Variants in TYW1 observed in about 807,000 individuals in gnomAD.
TYW1 encodes the protein S-adenosyl-L-methionine-dependent tRNA 4-demethylwyosine synthase TYW1.
A neutral mutation model predicts 96.2 loss-of-function variants in TYW1; 46 were observed. The ratio of observed to expected loss-of-function variants is 0.48; its 90% CI spans 0.38 to 0.61. TYW1 has a LOEUF of 0.61. Ranked by LOEUF, TYW1 falls within the 20% of genes least tolerant of loss-of-function variation. TYW1 has a pLI of 0.00. For synonymous variants in TYW1, 274 were observed against 323.0 expected, an observed-to-expected ratio of 0.85 and a Z score of 1.63; for missense variants, 684 against 909.6, an observed-to-expected ratio of 0.75 and a Z score of 3.19.
intron 15 of TYW1, among the ~76,000 whole-genome samples, chr7:67,210,723 G>GTCCA (rs149616251): frequency 0.26 from 39,083 of 149,010 alleles, 5,550 homozygotes; most frequent in African/African-American, 0.35. Context: ...TCATCTGTAT[G>GTCCA]TCCATCAGTC....
chr7:67,081,485 T>C (rs1156673148), intron 10 of TYW1, among the ~76,000 whole-genome samples: 1 of 151,646 alleles, frequency 6.6e-6, no homozygotes, highest in African/African-American at 2.4e-5. Context: ...AATGTCCATA[T>C]CTCTCCCCAA....
chr7:67,017,211 G>A (rs1156767453), intron 5 of TYW1, among the ~76,000 whole-genome samples: 2 of 152,002 alleles, frequency 1.3e-5, no homozygotes, highest in Admixed American at 6.6e-5. Flanking sequence ...TTGAACTCCT[G>A]GCCTGAAACA....
intron 15 of TYW1, among the ~76,000 whole-genome samples, chr7:67,224,393 C>T (rs1209993105): frequency 6.6e-6 from 1 of 152,204 alleles, no homozygotes; most frequent in Non-Finnish European, 1.5e-5. Flanking sequence ...TCCCAAAATG[C>T]TGGGATTACA....
At chr7:67,222,858 C>CTTTCTTTCTTTCTTTT (rs1563078442) in intron 15 of TYW1, among the ~76,000 whole-genome samples, 2 of 101,540 alleles carry the variant, frequency 2.0e-5, no homozygotes, top group African/African-American at 4.1e-5. Context: ...TCTCTGTTCG[C>CTTTCTTTCTTTCTTTT]TTTTTTTCTT....
intron 13 of TYW1, among the ~76,000 whole-genome samples, chr7:67,176,386 C>T (rs1440645628): frequency 4.6e-5 from 7 of 152,120 alleles, no homozygotes; most frequent in Non-Finnish European, 7.4e-5. Context: ...GTACTTGAAA[C>T]GTGGCTACCC....
intron 11 of TYW1, among the ~76,000 whole-genome samples, chr7:67,084,959 A>G (rs1330036176): frequency 1.3e-5 from 2 of 152,180 alleles, no homozygotes; most frequent in Non-Finnish European, 2.9e-5. Flanking sequence ...TTGAATCTCT[A>G]TGCTCTGGTC....
chr7:67,035,740 G>A (rs912810575), intron 7 of TYW1, among the ~76,000 whole-genome samples: 2 of 151,998 alleles, frequency 1.3e-5, no homozygotes, highest in South Asian at 2.1e-4. Context: ...GTACAGTGGC[G>A]CCATCTCGCT....
At chr7:67,181,131 A>G (rs1326607711) in intron 13 of TYW1, among the ~76,000 whole-genome samples, 2 of 152,172 alleles carry the variant, frequency 1.3e-5, no homozygotes, top group African/African-American at 4.8e-5. Flanking sequence ...TTGGGTATCT[A>G]TGAAGATGAT....
chr7:67,073,481 A>G (rs1164842210), intron 10 of TYW1, among the ~76,000 whole-genome samples: 2 of 152,152 alleles, frequency 1.3e-5, no homozygotes, highest in African/African-American at 2.4e-5. Flanking sequence ...CTGAAATAGA[A>G]TGTGACCAGG....
intron 13 of TYW1, among the ~76,000 whole-genome samples, chr7:67,135,213 AT>A (rs67118762): frequency 0.28 from 41,595 of 151,136 alleles, 6,546 homozygotes; most frequent in African/African-American, 0.43. Context: ...TTTTTAGTAT[AT>A]TCACAAGCTT....
At chr7:67,123,523 A>T (rs1236114084) in intron 13 of TYW1, among the ~76,000 whole-genome samples, 1 of 152,234 alleles carries the variant, frequency 6.6e-6, no homozygotes, top group Non-Finnish European at 1.5e-5. Flanking sequence ...GTGTTGAGGC[A>T]TCAGGTAATG....
chr7:67,100,495 AG>A (rs1302846232), intron 12 of TYW1, among the ~76,000 whole-genome samples: 3 of 151,550 alleles, frequency 2.0e-5, no homozygotes, highest in Non-Finnish European at 1.5e-5. Context: ...AAAAAAAAAA[AG>A]ATCTTTTTGA....
chr7:67,090,313 A>G (rs1209081630), intron 11 of TYW1, among the ~76,000 whole-genome samples: 1 of 152,222 alleles, frequency 6.6e-6, no homozygotes, highest in Non-Finnish European at 1.5e-5. Flanking sequence ...TTTGGCCAGG[A>G]ACTGCATTGT....
At chr7:67,226,051 C>A (rs112799764) in intron 15 of TYW1, among the ~76,000 whole-genome samples, 38,950 of 149,256 alleles carry the variant, frequency 0.26, 5,456 homozygotes, top group African/African-American at 0.35. Context: ...GGGAAGTTCA[C>A]AAGATACCAC....
At chr7:67,229,429 C>T (rs1584722391) in intron 15 of TYW1, among the ~76,000 whole-genome samples, 1 of 151,888 alleles carries the variant, frequency 6.6e-6, no homozygotes, top group East Asian at 1.9e-4. Context: ...ATCCCAGCTA[C>T]TCAGGAGGCT....
At chr7:67,199,301 T>C (rs1051096709) in intron 15 of TYW1, among the ~76,000 whole-genome samples, 2 of 152,260 alleles carry the variant, frequency 1.3e-5, no homozygotes, top group Non-Finnish European at 2.9e-5. Context: ...AATACTGTGT[T>C]GGCGACGTGT....
At chr7:67,232,262 C>T in intron 15 of TYW1, among the ~76,000 whole-genome samples, 1 of 150,994 alleles carries the variant, frequency 6.6e-6, no homozygotes, top group East Asian at 2.0e-4. Context: ...ATTTTTATCC[C>T]TCTATCATGT....
At chr7:67,105,616 C>T (rs1206103971) in intron 12 of TYW1, among the ~76,000 whole-genome samples, 1 of 152,228 alleles carries the variant, frequency 6.6e-6, no homozygotes, top group African/African-American at 2.4e-5. Context: ...GTTTCCCACA[C>T]TCCTCCCGTC....
chr7:67,032,928 G>A (rs564645335), intron 7 of TYW1, among the ~76,000 whole-genome samples: 312 of 98,740 alleles, frequency 3.2e-3, no homozygotes, highest in Non-Finnish European at 4.7e-3. Context: ...ACAGAATCTC[G>A]CTGTCTCATC....
Sources: gnomAD v4.1 joint callset for allele counts (sites outside exome capture counted in the v4.1 genomes callset) on GRCh38, gnomAD v4.1.1 for gene constraint, MANE v1.5 for transcripts, NCBI Gene and HGNC (gene_info 2026-07-23, HGNC 2026-07-21) for gene names.